Variants in KHDRBS2 observed in about 807,000 individuals in gnomAD.
KHDRBS2 encodes KH RNA binding domain containing, signal transduction associated 2, also known as KH domain-containing, RNA-binding, signal transduction-associated protein 2.
A neutral mutation model predicts 44.3 loss-of-function variants in KHDRBS2; 26 were observed. That is an observed-to-expected ratio of 0.59 (90% confidence interval 0.43 to 0.81). The LOEUF (loss-of-function observed/expected upper bound fraction) is 0.81, where lower values mean the gene tolerates loss of function less well. KHDRBS2 is among the 40% of genes least tolerant of loss of function. The pLI is 0.00. For missense variants in KHDRBS2, 476 were observed against 433.1 expected (o/e 1.10, Z -0.88); for synonymous variants, 194 against 151.1 (o/e 1.28, Z -2.08).
intron 6 of KHDRBS2, 55 bp from the exon 7 acceptor site, chr6:61,732,819 T>C: frequency 1.1e-6 from 1 of 927,732 alleles, no homozygotes; most frequent in South Asian, 1.3e-5. Context: ...AACTTTGATC[T>C]GTTTTCAGTT....
chr6:61,834,701 A>G (rs796416224), intron 6 of KHDRBS2, among the ~76,000 whole-genome samples: 8 of 152,114 alleles, frequency 5.3e-5, no homozygotes, highest in African/African-American at 1.9e-4. Flanking sequence ...TTCTCATTAC[A>G]AAGGGTGCAC....
intron 2 of KHDRBS2, among the ~76,000 whole-genome samples, chr6:62,048,287 T>C (rs1788191214): frequency 6.6e-6 from 1 of 151,910 alleles, no homozygotes; most frequent in African/African-American, 2.4e-5. Flanking sequence ...AATCATTTAT[T>C]AAGGAAAGAA....
intron 1 of KHDRBS2, among the ~76,000 whole-genome samples, chr6:62,188,851 C>T (rs751129702): frequency 1.1e-4 from 17 of 152,140 alleles, no homozygotes; most frequent in Admixed American, 4.6e-4. Flanking sequence ...CGGTGGCTCA[C>T]GCCTGTAATC....
chr6:62,279,824 C>G (rs915455172), intron 1 of KHDRBS2, among the ~76,000 whole-genome samples: 2 of 152,130 alleles, frequency 1.3e-5, no homozygotes, highest in Admixed American at 1.3e-4. Context: ...TATTCACATG[C>G]GGAAGAGGTA....
intron 2 of KHDRBS2, among the ~76,000 whole-genome samples, chr6:62,133,998 G>C (rs1278471073): frequency 6.6e-6 from 1 of 151,264 alleles, no homozygotes; most frequent in Non-Finnish European, 1.5e-5. Context: ...TCTGCAGCCT[G>C]ATGATGCAAC....
the KHDRBS2 span, among the ~76,000 whole-genome samples, chr6:61,624,301 T>C: frequency 3.9e-5 from 6 of 152,198 alleles, no homozygotes; most frequent in Non-Finnish European, 8.8e-5. Context: ...ACTGGCTCTG[T>C]GGCCACTTAA....
intron 6 of KHDRBS2, among the ~76,000 whole-genome samples, chr6:61,872,917 C>T (rs1200259970): frequency 2.0e-5 from 3 of 152,076 alleles, no homozygotes; most frequent in Admixed American, 6.5e-5. Flanking sequence ...TGGTTTTGCA[C>T]ATTTATAGGT....
the KHDRBS2 span, among the ~76,000 whole-genome samples, chr6:61,607,520 CAAAAAA>C: frequency 2.4e-4 from 10 of 41,098 alleles, no homozygotes; most frequent in African/African-American, 2.7e-4. Flanking sequence ...GAGTTCCAAG[CAAAAAA>C]AAAAAAAAAA....
intron 6 of KHDRBS2, chr6:61,816,699 A>G (rs796139517): frequency 1.5e-5 from 6 of 412,742 alleles, no homozygotes; most frequent in African/African-American, 1.2e-4. Context: ...AGACAGACTC[A>G]TTTATTCTTA....
At chr6:61,851,266 T>C (rs912478683) in intron 6 of KHDRBS2, among the ~76,000 whole-genome samples, 1 of 151,996 alleles carries the variant, frequency 6.6e-6, no homozygotes, top group African/African-American at 2.4e-5. Context: ...TAGGTGTATA[T>C]ATATATGTGT....
intron 2 of KHDRBS2, among the ~76,000 whole-genome samples, chr6:62,134,103 T>A (rs1451382047): frequency 1.3e-5 from 2 of 152,088 alleles, no homozygotes; most frequent in African/African-American, 4.8e-5. Flanking sequence ...GCTAAGACAA[T>A]CCAGGGCTTG....
chr6:62,047,202 C>G (rs1394038766), intron 3 of KHDRBS2, among the ~76,000 whole-genome samples: 1 of 151,910 alleles, frequency 6.6e-6, no homozygotes, highest in Non-Finnish European at 1.5e-5. Flanking sequence ...CTCAAAGATC[C>G]TTTTGGAATA....
chr6:61,597,930 G>A, the KHDRBS2 span, among the ~76,000 whole-genome samples: 10 of 143,374 alleles, frequency 7.0e-5, no homozygotes, highest in Non-Finnish European at 9.2e-5. Flanking sequence ...TTTTTTAATG[G>A]CCTAATACCA....
chr6:62,112,394 C>A (rs576278602), intron 2 of KHDRBS2, among the ~76,000 whole-genome samples: 79 of 152,214 alleles, frequency 5.2e-4, no homozygotes, highest in African/African-American at 1.7e-3. Context: ...CTTGAGCCAT[C>A]TATATCTCTA....
At chr6:62,096,362 TC>T (rs1353916199) in intron 2 of KHDRBS2, among the ~76,000 whole-genome samples, 1 of 151,964 alleles carries the variant, frequency 6.6e-6, no homozygotes, top group Non-Finnish European at 1.5e-5. Context: ...CCTAGATTTT[TC>T]TTTGATGGGA....
At chr6:61,599,521 C>T in the KHDRBS2 span, among the ~76,000 whole-genome samples, 1,921 of 152,284 alleles carry the variant, frequency 0.013, 44 homozygotes, top group African/African-American at 0.044. Flanking sequence ...TAGTGAAACA[C>T]TCTTGTTGCC....
intron 6 of KHDRBS2, among the ~76,000 whole-genome samples, chr6:61,886,437 G>T (rs187784132): frequency 6.6e-6 from 1 of 151,926 alleles, no homozygotes; most frequent in Non-Finnish European, 1.5e-5. Flanking sequence ...CCTTGCAGTC[G>T]TTTTTCTTAC....
intron 6 of KHDRBS2, among the ~76,000 whole-genome samples, chr6:61,835,698 T>C (rs936286206): frequency 2.1e-5 from 3 of 139,890 alleles, no homozygotes; most frequent in Non-Finnish European, 3.1e-5. Context: ...GTGCAGCTAA[T>C]GTTGATGTGT....
chr6:62,046,683 C>T (rs1055380470), intron 3 of KHDRBS2, among the ~76,000 whole-genome samples: 12 of 151,868 alleles, frequency 7.9e-5, no homozygotes, highest in Non-Finnish European at 1.3e-4. Flanking sequence ...AGGACAAAAG[C>T]TTATCTCATG....
Sources: allele counts gnomAD v4.1 joint callset (sites outside exome capture counted in the v4.1 genomes callset), GRCh38; gene constraint gnomAD v4.1.1; transcripts MANE v1.5; gene names NCBI Gene and HGNC (gene_info 2026-07-23, HGNC 2026-07-21).